The following INTS4 variants were observed in gnomAD, a reference collection of about 807,000 sequenced individuals.
The protein encoded by INTS4 is MSTP093.
INTS4 carries 70 observed loss-of-function variants against 119.5 expected under a neutral mutation model. The observed-to-expected ratio is 0.59, with a 90% CI of 0.48 to 0.71. INTS4 has a LOEUF of 0.71. Among genes scored for constraint, INTS4 ranks in the 30% least tolerant of loss-of-function variants. The pLI is 0.00. For synonymous variants in INTS4, 316 were observed against 419.6 expected (o/e 0.75, Z 3.02); for missense variants, 867 against 1,173.2 (o/e 0.74, Z 3.81).
At chr11:77,986,007 A>G (rs1024997591) in intron 2 of INTS4, among the ~76,000 whole-genome samples, 1 of 152,218 alleles carries the variant, frequency 6.6e-6, no homozygotes, top group African/African-American at 2.4e-5. Flanking sequence ...AGAACAGAAG[A>G]AAGGGTAAAA....
rs760324081 is a variant in INTS4, at chr11:77,961,157, A to AG, written c.472-20_472-19insC. ...TCAGATGCTATTAAAAAAAAAAAAA[A>AG]AAAGAAAAAAAGAAAAAGAAAAAAA... On this transcript the variant is annotated intron_variant, in intron 4 of 22. Transcript: ENST00000534064. 855 of 1,536,056 alleles carry AG rather than the reference A, an allele frequency of 5.6e-4. No individual in the cohort carries two copies. The highest frequency in any genetic ancestry group is 7.4e-4 in the Admixed American group (33 of 44,608).
At chr11:77,877,072 C>A (rs1267495219), downstream of INTS4, 2 of 702,488 alleles carry the variant, frequency 2.8e-6, no homozygotes, top group Non-Finnish European at 5.2e-6. Flanking sequence ...GAAAAGTCAG[C>A]TCCCTGGAGT....
downstream of INTS4, chr11:77,876,848 C>A (rs1951609053): frequency 4.8e-6 from 3 of 620,248 alleles, no homozygotes; most frequent in Admixed American, 2.6e-5. Flanking sequence ...AAAAGGGGTA[C>A]TTATCTGAAA....
intron 2 of INTS4, among the ~76,000 whole-genome samples, chr11:77,989,134 C>A (rs183236232): frequency 2.6e-4 from 40 of 152,240 alleles, no homozygotes; most frequent in Non-Finnish European, 4.1e-4. Flanking sequence ...AAAAAGGTAT[C>A]CCTTTTTAAT....
At chr11:77,933,636 C>A (rs549419583) in intron 10 of INTS4, among the ~76,000 whole-genome samples, 1 of 152,186 alleles carries the variant, frequency 6.6e-6, no homozygotes, top group South Asian at 2.1e-4. Flanking sequence ...AGCCTCTGCC[C>A]GGCCGCCACC....
intron 7 of INTS4, among the ~76,000 whole-genome samples, chr11:77,958,164 G>GA (rs1415104825): frequency 6.6e-6 from 1 of 150,990 alleles, no homozygotes; most frequent in Non-Finnish European, 1.5e-5. Flanking sequence ...TAATGAACAG[G>GA]AAAAAACACC....
At chr11:77,904,264 C>A (rs1952871788) in intron 16 of INTS4, among the ~76,000 whole-genome samples, 1 of 152,172 alleles carries the variant, frequency 6.6e-6, no homozygotes, top group Non-Finnish European at 1.5e-5. Context: ...AATCAAATGA[C>A]ATTACAGAAA....
In INTS4 at chr11:77,916,854, T is replaced by C. The variant is rs1208452211; in HGVS notation, c.1922+1967A>G. ...TATCATTTATCAAATTGATGATTTCTGGGTCCTGTAATAAACAGTGAGTAC... is the reference window on the plus strand; with the variant it reads ...TATCATTTATCAAATTGATGATTTCCGGGTCCTGTAATAAACAGTGAGTAC... On this transcript the variant is annotated intron_variant, in intron 15 of 22. Transcript: ENST00000534064. Among the ~76,000 whole-genome samples the C allele has an allele frequency of 5.2e-5, 8 of 152,390 alleles. No homozygotes were observed. In the East Asian group the frequency reaches 1.5e-3, roughly 29 times the overall value.
chr11:77,903,597 A>G lies in INTS4; in HGVS notation c.2040T>C (p.Asn680=), dbSNP rs749756740. 9.9e-6 allele frequency: 16 copies of G among 1,613,860 alleles called. No homozygotes were observed. The highest frequency in any genetic ancestry group is 9.9e-5 in the South Asian group (9 of 91,022). Residue 680 remains asparagine, a synonymous_variant, in exon 17 of 23, where the codon AAT becomes AAC. Coordinates refer to ENST00000534064, the MANE Select transcript of INTS4 (RefSeq NM_033547.4). ...GCTTCAAATACAAAGGGGCAGCTAC[A>G]TTCCACAACTTTTCCTGCAAGGCCT... ...LIKALQEKLW[N]VAAPLYLKQS...
At chr11:77,948,152 T>C (rs1954092636) in intron 8 of INTS4, among the ~76,000 whole-genome samples, 1 of 151,700 alleles carries the variant, frequency 6.6e-6, no homozygotes, top group Non-Finnish European at 1.5e-5. Context: ...CCAGCCTAAC[T>C]GAAGACTCTG....
chr11:77,915,036 A>G, intron 15 of INTS4: 1 of 207,030 alleles, frequency 4.8e-6, no homozygotes, highest in Non-Finnish European at 1.0e-5. Flanking sequence ...TTCACACCAC[A>G]CAGCCATCTT....
At chr11:77,886,003 C>A (rs147208562) in intron 21 of INTS4, among the ~76,000 whole-genome samples, 1 of 151,616 alleles carries the variant, frequency 6.6e-6, no homozygotes, top group African/African-American at 2.4e-5. Flanking sequence ...GAGTTTAAGA[C>A]GAGACTGGGC....
At chr11:77,925,233 T>C (rs1386894078) in intron 11 of INTS4, among the ~76,000 whole-genome samples, 1 of 152,120 alleles carries the variant, frequency 6.6e-6, no homozygotes, top group Non-Finnish European at 1.5e-5. Flanking sequence ...AGCAGAACAC[T>C]CAGAACACAC....
downstream of INTS4, chr11:77,877,071 G>C (rs769312486): frequency 2.8e-6 from 2 of 702,350 alleles, no homozygotes; most frequent in East Asian, 2.7e-5. Flanking sequence ...AGAAAAGTCA[G>C]CTCCCTGGAG....
chr11:77,887,968 G>T (rs1195587410), intron 21 of INTS4, among the ~76,000 whole-genome samples: 2 of 152,180 alleles, frequency 1.3e-5, no homozygotes, highest in Non-Finnish European at 2.9e-5. Flanking sequence ...TGGGTAGGAA[G>T]AATCAATATT....
chr11:77,977,658 T>C (rs1856005813), intron 4 of INTS4, among the ~76,000 whole-genome samples: 3 of 150,850 alleles, frequency 2.0e-5, no homozygotes, highest in Admixed American at 2.0e-4. Flanking sequence ...TTTCTATGAG[T>C]ACAAATTATT....
intron 12 of INTS4, 146 bp downstream of exon 12, chr11:77,924,604 G>C (rs753214607): frequency 3.2e-6 from 2 of 627,120 alleles, no homozygotes; most frequent in Non-Finnish European, 5.6e-6. Flanking sequence ...ATTCCTGAGA[G>C]TTCGGTTAAG....
At chr11:77,895,527 GAAAAAAAA>G (rs71046921) in intron 18 of INTS4, among the ~76,000 whole-genome samples, 12 of 39,252 alleles carry the variant, frequency 3.1e-4, no homozygotes, top group Admixed American at 8.4e-4. Context: ...TTCTTTTCCT[GAAAAAAAA>G]AAAAAAAAAA....
intron 15 of INTS4, among the ~76,000 whole-genome samples, chr11:77,913,354 CA>C (rs1432411162): frequency 2.0e-5 from 3 of 147,188 alleles, no homozygotes; most frequent in Non-Finnish European, 4.5e-5. Context: ...CTCTGTCGCC[CA>C]GGCTGGAGTG....
Sources: allele counts gnomAD v4.1 joint callset (sites outside exome capture counted in the v4.1 genomes callset), GRCh38; gene constraint gnomAD v4.1.1; transcripts MANE v1.5; gene names NCBI Gene and HGNC (gene_info 2026-07-23, HGNC 2026-07-21).